The following RAB3GAP2 variants were observed in gnomAD, a reference collection of about 807,000 sequenced individuals.
RAB3GAP2 encodes the protein rab3 GTPase-activating protein non-catalytic subunit.
RAB3GAP2 carries 87 observed loss-of-function variants against 185.3 expected under a neutral mutation model. That is an observed-to-expected ratio of 0.47 (90% CI 0.39 to 0.56). The LOEUF (loss-of-function observed/expected upper bound fraction) is 0.56. Among genes scored for constraint, RAB3GAP2 ranks in the 20% least tolerant of loss-of-function variants. RAB3GAP2 has a pLI of 0.00. For synonymous variants in RAB3GAP2, 554 were observed against 576.1 expected (o/e 0.96, Z 0.55); for missense variants, 1,492 against 1,638.2 (o/e 0.91, Z 1.54).
intron 17 of RAB3GAP2, among the ~76,000 whole-genome samples, chr1:220,186,081 C>T (rs1004220450): frequency 6.6e-6 from 1 of 152,096 alleles, no homozygotes; most frequent in Non-Finnish European, 1.5e-5. Context: ...ACTATATAGG[C>T]ATAAACGAAA....
At chr1:220,264,243 C>A (rs1307613629) in intron 1 of RAB3GAP2, among the ~76,000 whole-genome samples, 1 of 151,984 alleles carries the variant, frequency 6.6e-6, no homozygotes, top group African/African-American at 2.4e-5. Flanking sequence ...TAACATTTTT[C>A]TTCTTGCTTG....
intron 13 of RAB3GAP2, among the ~76,000 whole-genome samples, chr1:220,192,747 G>A (rs1423653300): frequency 1.3e-5 from 2 of 152,188 alleles, no homozygotes; most frequent in Non-Finnish European, 2.9e-5. Context: ...AGATACTGTG[G>A]TCTGTTACTC....
intron 1 of RAB3GAP2, among the ~76,000 whole-genome samples, chr1:220,270,427 C>T (rs1478344160): frequency 3.9e-5 from 6 of 152,206 alleles, no homozygotes. Flanking sequence ...ATCTGGTGTT[C>T]AACCAGATGT....
At chr1:220,244,075 G>A (rs1659753050) in intron 1 of RAB3GAP2, among the ~76,000 whole-genome samples, 1 of 152,114 alleles carries the variant, frequency 6.6e-6, no homozygotes, top group Non-Finnish European at 1.5e-5. Flanking sequence ...TCAGACAAGA[G>A]AAAGAAATAA....
intron 27 of RAB3GAP2, among the ~76,000 whole-genome samples, chr1:220,164,190 A>G (rs2102855443): frequency 6.6e-6 from 1 of 152,226 alleles, no homozygotes; most frequent in Non-Finnish European, 1.5e-5. Context: ...GGCTACCAAG[A>G]TTTTTTATTA....
At chr1:220,229,713 C>T (rs573971579) in intron 2 of RAB3GAP2, among the ~76,000 whole-genome samples, 1 of 152,284 alleles carries the variant, frequency 6.6e-6, no homozygotes, top group South Asian at 2.1e-4. Flanking sequence ...ATGTGGCCAT[C>T]TGGGTCTGAA....
At position 220,205,758 on chromosome 1, in the gene RAB3GAP2, C is replaced by T. The variant is rs1658951932; in HGVS notation, c.712+149G>A. 4.6e-6 allele frequency: 3 copies of T among 645,540 alleles called. No individual in the cohort carries two copies. In the African/African-American group the frequency reaches 5.5e-5, roughly 12 times the overall value. The allele number at this position is 645,540 out of a possible 1,614,324, so 40.0% of individuals were successfully genotyped here. ...CTTACTAAGCAATCTACTCAACATG[C>T]TCCCCTTTCTCTACAGAAGGCAGGT... is the stretch of plus-strand genomic sequence containing the variant. On this transcript the variant is annotated intron_variant, in intron 8 of 34. Transcript: ENST00000358951.
At chr1:220,255,547 G>A (rs1234775640) in intron 1 of RAB3GAP2, among the ~76,000 whole-genome samples, 1 of 152,170 alleles carries the variant, frequency 6.6e-6, no homozygotes, top group African/African-American at 2.4e-5. Context: ...AACAATACAG[G>A]AGCTGATAGC....
At chr1:220,249,884 T>G (rs949149402) in intron 1 of RAB3GAP2, among the ~76,000 whole-genome samples, 1 of 152,060 alleles carries the variant, frequency 6.6e-6, no homozygotes, top group Non-Finnish European at 1.5e-5. Flanking sequence ...AGAACTGAGG[T>G]TGAGGAACCT....
chr1:220,204,796 C>T (rs1288163741), intron 8 of RAB3GAP2, among the ~76,000 whole-genome samples: 1 of 129,552 alleles, frequency 7.7e-6, no homozygotes, highest in African/African-American at 2.9e-5. Flanking sequence ...TCCATGTGTT[C>T]TCATTGTTCA....
chr1:220,258,192 C>T (rs1437769221), intron 1 of RAB3GAP2, among the ~76,000 whole-genome samples: 1 of 152,124 alleles, frequency 6.6e-6, no homozygotes, highest in Non-Finnish European at 1.5e-5. Flanking sequence ...TCTACTGAAA[C>T]TATTCCAAAA....
chr1:220,231,665 T>C (rs963353821), intron 2 of RAB3GAP2, among the ~76,000 whole-genome samples: 5 of 152,138 alleles, frequency 3.3e-5, no homozygotes, highest in African/African-American at 1.2e-4. Context: ...CCCTTGCCAG[T>C]GATTAGTTCA....
intron 9 of RAB3GAP2, among the ~76,000 whole-genome samples, chr1:220,199,922 T>C (rs910304703): frequency 6.6e-5 from 10 of 152,156 alleles, no homozygotes; most frequent in Non-Finnish European, 1.2e-4. Flanking sequence ...CTCCTTGCTT[T>C]CTTCTACAAG....
chr1:220,223,186 A>G (rs1659339024), intron 2 of RAB3GAP2, among the ~76,000 whole-genome samples: 1 of 152,148 alleles, frequency 6.6e-6, no homozygotes, highest in African/African-American at 2.4e-5. Context: ...AGGTGGGACT[A>G]TAGGCAGGCA....
At chr1:220,161,895 G>T (rs539911580) in intron 28 of RAB3GAP2, among the ~76,000 whole-genome samples, 5 of 152,150 alleles carry the variant, frequency 3.3e-5, no homozygotes, top group Non-Finnish European at 5.9e-5. Context: ...TCAAAGATTG[G>T]TAAGTGTAAA....
intron 31 of RAB3GAP2, among the ~76,000 whole-genome samples, chr1:220,155,119 A>G (rs1657835335): frequency 6.6e-6 from 1 of 152,234 alleles, no homozygotes; most frequent in Non-Finnish European, 1.5e-5. Flanking sequence ...GAATATCAGG[A>G]AACAGGATTT....
At chr1:220,193,211 T>C (rs552017487) in intron 13 of RAB3GAP2, 29 bp downstream of exon 13, 13 of 1,612,828 alleles carry the variant, frequency 8.1e-6, no homozygotes, top group African/African-American at 4.0e-5. Flanking sequence ...AGTGAATTAA[T>C]TGTTTTTCTG....
chr1:220,238,190 A>C (rs950629298), intron 1 of RAB3GAP2, among the ~76,000 whole-genome samples: 9 of 152,136 alleles, frequency 5.9e-5, no homozygotes, highest in Non-Finnish European at 1.3e-4. Flanking sequence ...ACAGGTGTGC[A>C]TCACCAAGCC....
Position 220,170,842 on chromosome 1 carries a change from C to T in RAB3GAP2, c.2806+50G>A. On this transcript the variant is annotated intron_variant, in intron 24 of 34. Coordinates refer to ENST00000358951, the MANE Select transcript of RAB3GAP2 (RefSeq NM_012414.4). The stretch of plus-strand genomic sequence containing the variant: ...TCCGTCATTTCTATTAAAAGAAACC[C>T]TCGTAACATAAAAAAATGGATGCAA... The T allele has an allele frequency of 4.1e-6, 6 of 1,458,390 alleles. No homozygotes were observed. The South Asian group carries it at 5.7e-5, about 14-fold the overall frequency. The allele number at this position is 1,458,390 out of a possible 1,614,324, so 90.3% of individuals were successfully genotyped here.
Sources: gnomAD v4.1 joint callset for allele counts (sites outside exome capture counted in the v4.1 genomes callset) on GRCh38, gnomAD v4.1.1 for gene constraint, MANE v1.5 for transcripts, NCBI Gene and HGNC (gene_info 2026-07-23, HGNC 2026-07-21) for gene names.